Variants in AMPD2 observed in about 807,000 individuals in gnomAD.
The protein encoded by AMPD2 is AMP deaminase 2.
Under a neutral mutation model 91.3 loss-of-function variants are expected in AMPD2, and 52 were observed. The ratio of observed to expected loss-of-function variants is 0.57; its 90% CI spans 0.46 to 0.72. AMPD2 has a LOEUF of 0.72. AMPD2 is among the 30% of genes least tolerant of loss of function. The pLI is 0.00. For missense variants in AMPD2, 822 were observed against 1,122.3 expected (o/e 0.73, Z 3.82); for synonymous variants, 455 against 456.4 (o/e 1.00, Z 0.04).
chr1:109,630,739 C>A lies in AMPD2; in HGVS notation c.2214C>A (p.Cys738Ter), dbSNP rs771064043. The A allele has an allele frequency of 6.2e-7, 1 of 1,612,024 alleles. No individual in the cohort carries two copies. ...CCCAGGTGTGGAAGCTCAGCTCCTGCGATATGTGTGAGCTGGCCCGCAACA... is the reference window on the plus strand; with the variant it reads ...CCCAGGTGTGGAAGCTCAGCTCCTGAGATATGTGTGAGCTGGCCCGCAACA... ...IATQVWKLSS[C>*]DMCELARNSV... The change falls in exon 18 of 19, where the codon TGC becomes TGA. Residue 738 changes from cysteine to a stop codon, truncating the protein, a stop_gained. Coordinates refer to ENST00000528667, the MANE Select transcript of AMPD2 (RefSeq NM_001368809.2). LOFTEE classifies it high-confidence loss of function.
In AMPD2 at chr1:109,625,271, A is replaced by T. The variant is rs1650560495; in HGVS notation, c.92-32A>T. 6.2e-7 allele frequency: 1 copy of T among 1,606,966 alleles called. No homozygotes were observed. ...CAGGGCTTTCAGGGGCTGCCCCTCCACCCTTTGACCCTGGCATCACTGTCT... is the reference window on the plus strand; with the variant it reads ...CAGGGCTTTCAGGGGCTGCCCCTCCTCCCTTTGACCCTGGCATCACTGTCT... On this transcript the variant is annotated intron_variant, in intron 2 of 18. Coordinates refer to ENST00000528667, the MANE Select transcript of AMPD2 (RefSeq NM_001368809.2). This position sits in a 1 kb window ranked among gnomAD's most constrained non-coding sequence, Gnocchi z 4.0.
rs200880116 is a variant in AMPD2 at position 109,625,452 on chromosome 1, C to G, written c.222+19C>G. The stretch of plus-strand genomic sequence containing the variant: ...CGCCGAGGTATCACCTGGCACCACC[C>G]GCACCCTCACCCCGTGTCTCCATGC... On this transcript the variant is annotated intron_variant, in intron 3 of 18. Coordinates refer to ENST00000528667, the MANE Select transcript of AMPD2 (RefSeq NM_001368809.2). This position sits in a 1 kb window ranked among gnomAD's most constrained non-coding sequence, Gnocchi z 4.0. 4.3e-6 allele frequency: 7 copies of G among 1,613,656 alleles called. No homozygotes were observed. Among genetic ancestry groups the G allele is most frequent in the Non-Finnish European group, 3.4e-6 (4 of 1,179,942 alleles).
rs1397901714 is a variant in AMPD2, at chr1:109,627,472, G to A, written c.904G>A (p.Val302Met). Residue 302 changes from valine (V) to methionine (M), a missense_variant, in exon 9 of 19, where the codon GTG becomes ATG. By Grantham distance (21) the Val-to-Met change is conservative. Around this residue, in one of 5 missense-constraint regions of AMPD2, gnomAD observed 240 missense variants for 270.3 expected, o/e 0.89. Coordinates refer to ENST00000528667, the MANE Select transcript of AMPD2 (RefSeq NM_001368809.2). ...ELPYPDLQEF[V>M]ADVNVLMALI... The stretch of plus-strand genomic sequence containing the variant: ...GCCATACCCTGACCTGCAGGAATTT[G>A]TGGCTGACGTCAATGTGCTGATGGC... 4 of 1,614,098 alleles carry A rather than the reference G, an allele frequency of 2.5e-6. No homozygotes were observed. Among genetic ancestry groups the A allele is most frequent in the Non-Finnish European group, 3.4e-6 (4 of 1,179,982 alleles).
Position 109,623,471 on chromosome 1 carries a change from C to T in AMPD2, c.92-1832C>T, listed in dbSNP as rs1194095145. On this transcript the variant is annotated intron_variant, in intron 2 of 18. Coordinates refer to ENST00000528667, the MANE Select transcript of AMPD2 (RefSeq NM_001368809.2). ...ACCAGCCCCCTGAGCAGCTGGGCAGCGGGGAAGCCTCAGTGACTGGCCCCT... is the reference window on the plus strand; with the variant it reads ...ACCAGCCCCCTGAGCAGCTGGGCAGTGGGGAAGCCTCAGTGACTGGCCCCT... Among the ~76,000 whole-genome samples the T allele has an allele frequency of 2.6e-5, 4 of 152,260 alleles. No individual in the cohort carries two copies. In the East Asian group the frequency reaches 5.8e-4, roughly 22 times the overall value.
chr1:109,620,621 C>A, intron 1 of AMPD2: 1 of 1,210,954 alleles, frequency 8.3e-7, no homozygotes. Context: ...CTGGGCTACC[C>A]CGGGAGCTGA....
Position 109,626,903 on chromosome 1 carries a change from G to C in AMPD2, c.709G>C (p.Val237Leu), listed in dbSNP as rs150535157. 3 of 1,612,094 alleles carry C rather than the reference G, an allele frequency of 1.9e-6. No individual in the cohort carries two copies. The highest frequency in any genetic ancestry group is 2.5e-6 in the Non-Finnish European group (3 of 1,178,968). Reference protein sequence around the residue: ...RTYEQGPDTPVSADAPVHPPA... With the variant: ...RTYEQGPDTPLSADAPVHPPA... The stretch of plus-strand genomic sequence containing the variant: ...CTATGAACAGGGCCCCGACACCCCT[G>C]TGTCTGCTGGTGGGACTCCCCATCT... Residue 237 changes from valine to leucine, a missense_variant, in exon 7 of 19, where the codon GTG (valine) becomes CTG (leucine). Val to Leu is a conservative substitution (Grantham distance 32). Coordinates refer to ENST00000528667, the MANE Select transcript of AMPD2 (RefSeq NM_001368809.2).
At position 109,625,935 on chromosome 1, in the gene AMPD2, G is replaced by A; in HGVS notation, c.353+143G>A. On this transcript the variant is annotated intron_variant, in intron 4 of 18. Transcript: ENST00000528667. This position sits in a 1 kb window ranked among gnomAD's most constrained non-coding sequence, Gnocchi z 4.0. ...AGTGGGCTTTGGAGTCGGGCTGCTG[G>A]GTTCTGTTCTGTCTTCTAGCCGCCG... 1 of 1,366,082 alleles carries A rather than the reference G, an allele frequency of 7.3e-7. No homozygotes were observed. The highest frequency in any genetic ancestry group is 9.9e-7 in the Non-Finnish European group (1 of 1,005,576). The allele number at this position is 1,366,082 out of a possible 1,614,324, so 84.6% of individuals were successfully genotyped here.
intron 1 of AMPD2, chr1:109,620,495 G>A (rs887465110): frequency 2.5e-6 from 3 of 1,201,306 alleles, no homozygotes; most frequent in Non-Finnish European, 3.2e-6. Flanking sequence ...AGACAAGGGG[G>A]TCTCCTGGCC....
In AMPD2 at chr1:109,621,041, C is replaced by A. The variant is rs1446543104; in HGVS notation, c.-135C>A. 1.9e-6 allele frequency: 3 copies of A among 1,602,666 alleles called. No homozygotes were observed. The East Asian group carries it at 6.7e-5, about 36-fold the overall frequency. ...GAGAAATCGTGGCCAGGGCCTCTTC[C>A]GCCTGCGGAGCCGCTGCTTCCTGCA... On this transcript the variant is annotated 5_prime_UTR_variant, in exon 2 of 19. Transcript: ENST00000528667.
Position 109,630,403 on chromosome 1 carries a change from C to A in AMPD2, c.2154C>A (p.Thr718=). The A allele has an allele frequency of 6.3e-7, 1 of 1,598,544 alleles. No individual in the cohort carries two copies. The highest frequency in any genetic ancestry group is 1.1e-5 in the South Asian group (1 of 90,804). ...STDDPLQFHF[T]KEPLMEEYSI... is the part of the protein sequence containing the mutation. ...ATGATCCCTTGCAGTTCCACTTCACCAAGGTCAGAGCCCAGCAGGCAGCCA... is the reference window on the plus strand; with the variant it reads ...ATGATCCCTTGCAGTTCCACTTCACAAAGGTCAGAGCCCAGCAGGCAGCCA... The change falls in exon 17 of 19, where the codon ACC becomes ACA. Residue 718 remains threonine (T), a synonymous_variant. Coordinates refer to ENST00000528667, the MANE Select transcript of AMPD2 (RefSeq NM_001368809.2).
At position 109,627,155 on chromosome 1, in the gene AMPD2, T is replaced by C. The variant is rs575507532; in HGVS notation, c.719-20T>C. ...GCTTGGAAGAGCCCTGCTCTGACTT[T>C]ACCCTCCTCACCCCTGCAGATGCCC... is the stretch of plus-strand genomic sequence containing the variant. On this transcript the variant is annotated intron_variant, in intron 7 of 18. Coordinates refer to ENST00000528667, the MANE Select transcript of AMPD2 (RefSeq NM_001368809.2). The C allele has an allele frequency of 4.3e-6, 7 of 1,611,926 alleles. No individual in the cohort carries two copies. The East Asian group carries it at 1.6e-4, about 36-fold the overall frequency.
rs749833212 is a variant in AMPD2 at position 109,629,813 on chromosome 1, C to T, written c.1880C>T (p.Thr627Met). ...TCCCCCAGGCAGAGGGGCTTCCACA[C>T]GTTTGTGCTGAGGCCACACTGTGGG... ...NHLRRQRGFH[T>M]FVLRPHCGEA... The change falls in exon 16 of 19, where the codon ACG becomes ATG. Residue 627 changes from threonine to methionine, a missense_variant. Around this residue, in one of 5 missense-constraint regions of AMPD2, gnomAD observed 430 missense variants for 606.0 expected, o/e 0.71. Coordinates refer to ENST00000528667, the MANE Select transcript of AMPD2 (RefSeq NM_001368809.2). 45 of 1,606,260 alleles carry T rather than the reference C, an allele frequency of 2.8e-5. No homozygotes were observed. Among genetic ancestry groups the T allele is most frequent in the Admixed American group, 2.2e-4 (13 of 59,218 alleles).
chr1:109,622,443 C>T (rs1271997669), intron 2 of AMPD2: 5 of 369,920 alleles, frequency 1.4e-5, no homozygotes, highest in Admixed American at 6.6e-5. Flanking sequence ...GGCTCCTGGT[C>T]GAGAGGGGAG....
At chr1:109,630,880 T>G in intron 18 of AMPD2, 63 bp from the exon 19 acceptor site, 1 of 1,604,126 alleles carries the variant, frequency 6.2e-7, no homozygotes, top group African/African-American at 1.3e-5. Flanking sequence ...TGGGATGGCT[T>G]GGGGTGGGGC....
At position 109,625,607 on chromosome 1, in the gene AMPD2, G is replaced by A. The variant is rs1196224978; in HGVS notation, c.223-55G>A. 1.2e-6 allele frequency: 2 copies of A among 1,607,578 alleles called. No individual in the cohort carries two copies. Among genetic ancestry groups the A allele is most frequent in the South Asian group, 1.1e-5 (1 of 90,634 alleles). ...CTCACCCCATCCCCAGACTCTGTAG[G>A]AGAGTGCCCGAGGGCGGAGGGCCAG... On this transcript the variant is annotated intron_variant, in intron 3 of 18. Transcript: ENST00000528667. The surrounding 1 kb of genome is among the most constrained non-coding windows in gnomAD (Gnocchi z 4.0).
At position 109,620,243 on chromosome 1, in the gene AMPD2, C is replaced by T; in HGVS notation, c.-298C>T. On this transcript the variant is annotated 5_prime_UTR_variant, in exon 1 of 19. Transcript: ENST00000528667. Reference sequence around the variant, plus strand: ...TTCTGCTGTACAGACTTCTCGTGGGCAGCCTCCCCTCGGAACTCGGGCATC... The same window carrying T: ...TTCTGCTGTACAGACTTCTCGTGGGTAGCCTCCCCTCGGAACTCGGGCATC... The T allele has an allele frequency of 6.2e-7, 1 of 1,614,070 alleles. No homozygotes were observed. The highest frequency in any genetic ancestry group is 8.5e-7 in the Non-Finnish European group (1 of 1,179,946).
chr1:109,630,228 C>A lies in AMPD2; in HGVS notation c.1984-5C>A. Reference sequence around the variant, plus strand: ...ACAGGCCCTCCCTCCCTGTTGCCTGCCCAGGCCCCCGTCCTGCAGTACCTG... The same window carrying A: ...ACAGGCCCTCCCTCCCTGTTGCCTGACCAGGCCCCCGTCCTGCAGTACCTG... On this transcript the variant is annotated splice_region_variant and splice_polypyrimidine_tract_variant and intron_variant, in intron 16 of 18. Transcript: ENST00000528667. The A allele has an allele frequency of 3.7e-6, 6 of 1,611,596 alleles. No homozygotes were observed. Among genetic ancestry groups the A allele is most frequent in the Non-Finnish European group, 5.1e-6 (6 of 1,180,008 alleles).
chr1:109,625,816 A>T lies in AMPD2; in HGVS notation c.353+24A>T. On this transcript the variant is annotated intron_variant, in intron 4 of 18. Transcript: ENST00000528667. The surrounding 1 kb of genome is among the most constrained non-coding windows in gnomAD (Gnocchi z 4.0). ...AAGTGAGCCCGGCAGGCAGCTGCTTAGTCTCCCTCCATACCCTTCCAGACC... is the reference window on the plus strand; with the variant it reads ...AAGTGAGCCCGGCAGGCAGCTGCTTTGTCTCCCTCCATACCCTTCCAGACC... The T allele has an allele frequency of 6.2e-7, 1 of 1,613,740 alleles. No homozygotes were observed. The highest frequency in any genetic ancestry group is 8.5e-7 in the Non-Finnish European group (1 of 1,179,924).
At chr1:109,623,933 C>T in intron 2 of AMPD2, 1 of 931,744 alleles carries the variant, frequency 1.1e-6, no homozygotes, top group Non-Finnish European at 1.3e-6. Flanking sequence ...CTTGAACTCC[C>T]CTAGCTCCGT....
Sources: gnomAD v4.1 joint callset for allele counts (sites outside exome capture counted in the v4.1 genomes callset) on GRCh38, gnomAD v4.1.1 for gene constraint, gnomAD v4.1.1 regional missense constraint, Gnocchi (gnomAD v3.1) non-coding constraint, MANE v1.5 for transcripts, NCBI Gene and HGNC (gene_info 2026-07-23, HGNC 2026-07-21) for gene names.